The following LMX1B variants were observed in gnomAD, a reference collection of about 807,000 sequenced individuals.
LMX1B encodes LIM homeobox transcription factor 1 beta, also known as LIM homeobox transcription factor 1-beta.
Under a neutral mutation model 51.4 loss-of-function variants are expected in LMX1B, and 12 were observed. The ratio of observed to expected loss-of-function variants is 0.23; its 90% CI spans 0.15 to 0.38. LMX1B has a LOEUF of 0.38. LMX1B is among the 10% of genes least tolerant of loss of function. The pLI, the probability that LMX1B is intolerant of heterozygous loss-of-function variation, is 1.00. For synonymous variants in LMX1B, 237 were observed against 235.4 expected (o/e 1.01, Z -0.06); for missense variants, 445 against 571.1 (o/e 0.78, Z 2.25).
intron 6 of LMX1B, among the ~76,000 whole-genome samples, chr9:126,694,302 G>A (rs76048828): frequency 0.012 from 1,845 of 152,240 alleles, 105 homozygotes; most frequent in Admixed American, 0.1. Flanking sequence ...GGACTGCCTG[G>A]GATCCCTCAG....
Position 126,614,497 on chromosome 9 carries a change from C to A in LMX1B, c.48C>A (p.Arg16=). 6.2e-7 allele frequency: 1 copy of A among 1,605,264 alleles called. No individual in the cohort carries two copies. Among genetic ancestry groups the A allele is most frequent in the Middle Eastern group, 1.7e-4 (1 of 6,028 alleles). ...AGTCGCTGGAGAGGTGCTTCCCTCG[C>A]GGGCAGACGGACTGCGCCAAGATGT... is the stretch of plus-strand genomic sequence containing the variant. The part of the protein sequence containing the change: ...GPESLERCFP[R]GQTDCAKMLD... Residue 16 remains arginine, a synonymous_variant, in exon 1 of 8, where the codon CGC becomes CGA. Coordinates refer to ENST00000373474, the MANE Select transcript of LMX1B (RefSeq NM_001174147.2).
intron 2 of LMX1B, among the ~76,000 whole-genome samples, chr9:126,688,959 C>T (rs117454065): frequency 4.9e-4 from 75 of 152,340 alleles, no homozygotes; most frequent in Non-Finnish European, 9.1e-4. Context: ...CTGTGATACC[C>T]GTGTACTGAG....
At chr9:126,617,465 C>G (rs1253352918) in intron 2 of LMX1B, among the ~76,000 whole-genome samples, 1 of 151,752 alleles carries the variant, frequency 6.6e-6, no homozygotes, top group Admixed American at 6.6e-5. Context: ...CCCCCCACTC[C>G]CCATAATTAT....
At chr9:126,636,749 C>G (rs1490915263) in intron 2 of LMX1B, among the ~76,000 whole-genome samples, 2 of 152,118 alleles carry the variant, frequency 1.3e-5, no homozygotes, top group Non-Finnish European at 2.9e-5. Flanking sequence ...CCACCTTGTC[C>G]TCTAGGTCAG....
At chr9:126,635,383 A>C (rs1043776027) in intron 2 of LMX1B, among the ~76,000 whole-genome samples, 5 of 152,192 alleles carry the variant, frequency 3.3e-5, no homozygotes, top group African/African-American at 1.2e-4. Context: ...CTTCTGCAAA[A>C]CCAGTTGCAG....
At chr9:126,661,254 C>CTCAGG (rs1235542229) in intron 2 of LMX1B, among the ~76,000 whole-genome samples, 1 of 125,048 alleles carries the variant, frequency 8.0e-6, no homozygotes, top group African/African-American at 2.6e-5. Flanking sequence ...AGGGCGACCT[C>CTCAGG]CCAGGCCAGC....
At chr9:126,675,253 A>G (rs1372807925) in intron 2 of LMX1B, among the ~76,000 whole-genome samples, 1 of 152,150 alleles carries the variant, frequency 6.6e-6, no homozygotes, top group African/African-American at 2.4e-5. Flanking sequence ...GGGCTTGTGT[A>G]TGTGTGATAC....
chr9:126,699,098 G>C lies in LMX1B; in HGVS notation c.*2647G>C, dbSNP rs1374252166. On this transcript the variant is annotated 3_prime_UTR_variant, in exon 8 of 8. Transcript: ENST00000373474. ...GCCAGGGACATCCTGGGCAGATTCA[G>C]GGGCAGATGCCCTATCCCCCAGGAG... is the stretch of plus-strand genomic sequence containing the variant. 6.6e-6 allele frequency: 1 copy of C among 152,262 alleles called. No homozygotes were observed. Among genetic ancestry groups the C allele is most frequent in the Admixed American group, 6.5e-5 (1 of 15,282 alleles). The allele number at this position is 152,262 out of a possible 1,614,324, so 9.4% of individuals were successfully genotyped here.
At chr9:126,664,454 G>C (rs1836304210) in intron 2 of LMX1B, among the ~76,000 whole-genome samples, 1 of 152,212 alleles carries the variant, frequency 6.6e-6, no homozygotes, top group Non-Finnish European at 1.5e-5. Context: ...AGGCCAAGGG[G>C]CCCTGTGGGC....
chr9:126,639,923 G>T (rs193140666), intron 2 of LMX1B, among the ~76,000 whole-genome samples: 1 of 152,360 alleles, frequency 6.6e-6, no homozygotes, highest in African/African-American at 2.4e-5. Flanking sequence ...ACCTCAATGT[G>T]TTTGATATTT....
intron 2 of LMX1B, among the ~76,000 whole-genome samples, chr9:126,623,723 A>C (rs1588263943): frequency 6.6e-6 from 1 of 151,192 alleles, no homozygotes. Context: ...GGGAGTCGCT[A>C]CCCGAGGGCT....
rs1835539195 is a variant in LMX1B at position 126,626,697 on chromosome 9, G to T, written c.326+11128G>T. On this transcript the variant is annotated intron_variant, in intron 2 of 7. Transcript: ENST00000373474. This position sits in a 1 kb window ranked among gnomAD's most constrained non-coding sequence, Gnocchi z 4.3. ...AGCCTTGTTTGGAAAGGGGTGGGTG[G>T]GGGGCGTCGAGCGAGCGAGGGAAGG... Among the ~76,000 whole-genome samples the T allele has an allele frequency of 6.6e-6, 1 of 152,176 alleles. No homozygotes were observed. The highest frequency in any genetic ancestry group is 2.4e-5 in the African/African-American group (1 of 41,454).
intron 2 of LMX1B, among the ~76,000 whole-genome samples, chr9:126,680,795 C>A (rs1029410254): frequency 6.6e-6 from 1 of 152,168 alleles, no homozygotes; most frequent in Non-Finnish European, 1.5e-5. Flanking sequence ...ACTCAAAGGT[C>A]ATGAAATAGT....
At chr9:126,662,750 C>T (rs913395673) in intron 2 of LMX1B, among the ~76,000 whole-genome samples, 44 of 152,310 alleles carry the variant, frequency 2.9e-4, no homozygotes, top group African/African-American at 1.0e-3. Flanking sequence ...GCCAGGCCCA[C>T]GAGAGCGGCC....
rs1261328464 is a variant in LMX1B at position 126,615,053 on chromosome 9, C to T, written c.140-330C>T. ...CAGCCAGCGAGCGCCCCAGCCTCACCTCGCCTGTCTTGGTCCCAGCCGGCC... is the reference window on the plus strand; with the variant it reads ...CAGCCAGCGAGCGCCCCAGCCTCACTTCGCCTGTCTTGGTCCCAGCCGGCC... On this transcript the variant is annotated intron_variant, in intron 1 of 7. Coordinates refer to ENST00000373474, the MANE Select transcript of LMX1B (RefSeq NM_001174147.2). This position sits in a 1 kb window ranked among gnomAD's most constrained non-coding sequence, Gnocchi z 6.0. Among the ~76,000 whole-genome samples, 1 of 151,920 alleles carries T rather than the reference C, an allele frequency of 6.6e-6. No individual in the cohort carries two copies. The highest frequency in any genetic ancestry group is 2.4e-5 in the African/African-American group (1 of 41,388).
rs1278717278 is a variant in LMX1B at position 126,625,073 on chromosome 9, G to A, written c.326+9504G>A. On this transcript the variant is annotated intron_variant, in intron 2 of 7. Transcript: ENST00000373474. The surrounding 1 kb of genome is among the most constrained non-coding windows in gnomAD (Gnocchi z 5.3). ...CAAACCGCGGGGCCCTTTGTCCCAC[G>A]GAGTGAACGACGGAAACTTGCCATC... is the stretch of plus-strand genomic sequence containing the variant. Among the ~76,000 whole-genome samples, 2 of 152,226 alleles carry A rather than the reference G, an allele frequency of 1.3e-5. No individual in the cohort carries two copies. Among genetic ancestry groups the A allele is most frequent in the Non-Finnish European group, 2.9e-5 (2 of 68,042 alleles).
rs1423810336 is a variant in LMX1B, at chr9:126,614,031, C to T, written c.-419C>T. Among the ~76,000 whole-genome samples the T allele has an allele frequency of 4.4e-5, 6 of 135,274 alleles. No homozygotes were observed. The highest frequency in any genetic ancestry group is 1.5e-4 in the African/African-American group (6 of 38,754). The allele number at this position is 135,274 out of a possible 152,430, so 88.7% of individuals were successfully genotyped here. ...CGGCCCGCTGCGCCCCGCCCGGGAC[C>T]CCGCTGCGCCGCGCGCCCCCCCCGC... On this transcript the variant is annotated 5_prime_UTR_variant, in exon 1 of 8. Transcript: ENST00000373474.
chr9:126,672,188 G>A (rs1836471399), intron 2 of LMX1B, among the ~76,000 whole-genome samples: 1 of 152,252 alleles, frequency 6.6e-6, no homozygotes, highest in South Asian at 2.1e-4. Context: ...GTACTGGCTG[G>A]TGACCTTGAG....
At position 126,615,312 on chromosome 9, in the gene LMX1B, C is replaced by T. The variant is rs1237119393; in HGVS notation, c.140-71C>T. The T allele has an allele frequency of 7.0e-6, 9 of 1,279,264 alleles. No individual in the cohort carries two copies. In the African/African-American group the frequency reaches 1.4e-4, roughly 20 times the overall value. 79.2% of individuals were successfully genotyped at this position (1,279,264 alleles called of 1,614,324 possible). Reference sequence around the variant, plus strand: ...GCCCTCGGGGCCGAGGGCTGTGGGCCCGGTGCGACCGGGACGCCGGGGCTG... The same window carrying T: ...GCCCTCGGGGCCGAGGGCTGTGGGCTCGGTGCGACCGGGACGCCGGGGCTG... On this transcript the variant is annotated intron_variant, in intron 1 of 7. Coordinates refer to ENST00000373474, the MANE Select transcript of LMX1B (RefSeq NM_001174147.2). This position sits in a 1 kb window ranked among gnomAD's most constrained non-coding sequence, Gnocchi z 6.0.
Sources: gnomAD v4.1 joint callset for allele counts (sites outside exome capture counted in the v4.1 genomes callset) on GRCh38, gnomAD v4.1.1 for gene constraint, Gnocchi (gnomAD v3.1) non-coding constraint, MANE v1.5 for transcripts, NCBI Gene and HGNC (gene_info 2026-07-23, HGNC 2026-07-21) for gene names.